Variants in ZC3H13 observed in about 807,000 individuals in gnomAD.
The protein encoded by ZC3H13 is zinc finger CCCH-type containing 13, also known as zinc finger CCCH domain-containing protein 13.
Under a neutral mutation model 204.1 loss-of-function variants are expected in ZC3H13, and 64 were observed. The ratio of observed to expected loss-of-function variants is 0.31; its 90% CI spans 0.26 to 0.39. The LOEUF is 0.39. ZC3H13 is among the 10% of genes least tolerant of loss of function. ZC3H13 has a pLI of 1.00. For missense variants in ZC3H13, 1,833 were observed against 2,082.7 expected, an observed-to-expected ratio of 0.88 and a Z score of 2.33; for synonymous variants, 667 against 693.7, an observed-to-expected ratio of 0.96 and a Z score of 0.60.
At chr13:46,023,998 G>A (rs1156338171) in intron 4 of ZC3H13, among the ~76,000 whole-genome samples, 1 of 152,166 alleles carries the variant, frequency 6.6e-6, no homozygotes, top group Non-Finnish European at 1.5e-5. Context: ...GGGATAAATG[G>A]CTTAGGCCTG....
intron 17 of ZC3H13, among the ~76,000 whole-genome samples, chr13:45,961,056 C>T (rs1951647275): frequency 6.6e-6 from 1 of 152,120 alleles, no homozygotes; most frequent in South Asian, 2.1e-4. Context: ...AAAAACATTC[C>T]CTGGGCTCTA....
intron 10 of ZC3H13, among the ~76,000 whole-genome samples, chr13:45,984,247 T>C (rs1715826928): frequency 6.6e-6 from 1 of 152,208 alleles, no homozygotes; most frequent in South Asian, 2.1e-4. Flanking sequence ...TGGATATATA[T>C]TTGCTTGTGT....
At chr13:45,962,219 C>G in intron 17 of ZC3H13, 1 of 985,358 alleles carries the variant, frequency 1.0e-6, no homozygotes, top group Non-Finnish European at 1.2e-6. Flanking sequence ...GATAATACAT[C>G]AGTTCTCTAA....
chr13:45,971,680 A>G (rs1479466001), intron 12 of ZC3H13, among the ~76,000 whole-genome samples: 2 of 152,206 alleles, frequency 1.3e-5, no homozygotes, highest in Admixed American at 1.3e-4. Context: ...ATTAAACTAA[A>G]AAGCTTCTGC....
Position 45,968,801 on chromosome 13 carries a change from T to C in ZC3H13, c.3743A>G (p.Lys1248Arg). The C allele has an allele frequency of 6.2e-7, 1 of 1,613,022 alleles. No individual in the cohort carries two copies. The highest frequency in any genetic ancestry group is 2.2e-5 in the East Asian group (1 of 44,874). The part of the protein sequence containing the change: ...TKSLEITGER[K>R]SRIDQLKRGE... ...ACGCTTTAACTGATCAATCCTAGAT[T>C]TTCTCTCTCCTGTGATTTCCAGGCT... Residue 1248 changes from lysine (K) to arginine (R), a missense_variant, in exon 14 of 19, where the codon AAA (lysine) becomes AGA (arginine). Lys to Arg is a conservative substitution (Grantham distance 26, BLOSUM62 2). This residue lies in a region of ZC3H13 where 1,574 missense variants were observed against 1,757.2 expected (regional missense o/e 0.90). Transcript: ENST00000679008.
At chr13:46,007,814 TTTCTC>T (rs2041259687) in intron 7 of ZC3H13, among the ~76,000 whole-genome samples, 1 of 152,180 alleles carries the variant, frequency 6.6e-6, no homozygotes, top group Non-Finnish European at 1.5e-5. Flanking sequence ...TTTTTAATCT[TTTCTC>T]TCTCTCTTCA....
At chr13:46,005,144 T>G (rs1450721285) in intron 7 of ZC3H13, among the ~76,000 whole-genome samples, 1 of 152,192 alleles carries the variant, frequency 6.6e-6, no homozygotes, top group Non-Finnish European at 1.5e-5. Flanking sequence ...ATGAACATTA[T>G]CCCTTGAAAA....
In ZC3H13 at chr13:45,988,947, T is replaced by C. The variant is rs779019412; in HGVS notation, c.1095A>G (p.Pro365=). Residue 365 remains proline, a synonymous_variant, in exon 9 of 19, where the codon CCA becomes CCG. Coordinates refer to ENST00000679008, the MANE Select transcript of ZC3H13 (RefSeq NM_001330564.2). ...PSPSYQRTLT[P]PLRRSASPYP... ...AAGGAGAGGCAGAGCGTCGTAAAGG[T>C]GGAGTTAGTGTCCGCTGATAAGATG... The C allele has an allele frequency of 5.6e-6, 9 of 1,613,348 alleles. No individual in the cohort carries two copies. In the South Asian group the frequency reaches 9.9e-5, roughly 18 times the overall value.
intron 4 of ZC3H13, among the ~76,000 whole-genome samples, chr13:46,037,714 A>G (rs528844716): frequency 1.3e-5 from 2 of 152,316 alleles, no homozygotes; most frequent in Admixed American, 6.5e-5. Context: ...CAACAGAAAC[A>G]TGATGCAAGC....
rs950433825 is a variant in ZC3H13 at position 46,003,068 on chromosome 13, C to T, written c.944+71G>A. The T allele has an allele frequency of 7.4e-5, 113 of 1,520,542 alleles. 1 individual carries two copies. In the South Asian group the frequency reaches 7.7e-4, roughly 10 times the overall value. 94.2% of individuals were successfully genotyped at this position (1,520,542 alleles called of 1,614,324 possible). On this transcript the variant is annotated intron_variant, in intron 8 of 18. Coordinates refer to ENST00000679008, the MANE Select transcript of ZC3H13 (RefSeq NM_001330564.2). ...AAAAACCCAATATGCTAATGCCCAA[C>T]GGCTTCTGAAAAGTAAATATTCTAT...
chr13:45,969,911 GGACTAA>G lies in ZC3H13; in HGVS notation c.2627_2632del (p.Leu876_Ser877del). On this transcript the variant is annotated inframe_deletion, in exon 14 of 19. Transcript: ENST00000679008. ...CTGTCTGTCTTCTGTGAGGTGCGAG[GGACTAA>G]GAGAACGAGATTCTTGAGGTCGTAC... is the stretch of plus-strand genomic sequence containing the variant. 1 of 1,613,500 alleles carries G rather than the reference GGACTAA, an allele frequency of 6.2e-7. No homozygotes were observed. The highest frequency in any genetic ancestry group is 8.5e-7 in the Non-Finnish European group (1 of 1,179,964).
At chr13:46,015,009 T>C (rs966264758) in intron 5 of ZC3H13, among the ~76,000 whole-genome samples, 2 of 152,202 alleles carry the variant, frequency 1.3e-5, no homozygotes, top group East Asian at 1.9e-4. Flanking sequence ...ACAAGACTTA[T>C]ATGAACATTT....
intron 4 of ZC3H13, among the ~76,000 whole-genome samples, chr13:46,036,143 G>A (rs1489495414): frequency 4.3e-5 from 4 of 93,320 alleles, no homozygotes; most frequent in East Asian, 6.5e-4. Context: ...GCAAGACTCC[G>A]TGTCAAGAAA....
In ZC3H13 at chr13:45,975,856, T is replaced by C; in HGVS notation, c.1913-18A>G. ...TCTTTGATCTACAATGAAAATCAAG[T>C]TTTGTCAGTGATTAATTTGACAGAT... On this transcript the variant is annotated intron_variant, in intron 11 of 18. Transcript: ENST00000679008. The C allele has an allele frequency of 2.5e-6, 4 of 1,601,448 alleles. No homozygotes were observed. Among genetic ancestry groups the C allele is most frequent in the Non-Finnish European group, 3.4e-6 (4 of 1,171,766 alleles).
intron 10 of ZC3H13, among the ~76,000 whole-genome samples, chr13:45,983,505 C>T (rs187109187): frequency 2.1e-4 from 28 of 132,200 alleles, no homozygotes; most frequent in Non-Finnish European, 3.7e-4. Flanking sequence ...CGGCTCACTG[C>T]AAGCTCCGCC....
chr13:46,022,743 G>C (rs2042294737), intron 4 of ZC3H13, among the ~76,000 whole-genome samples: 1 of 149,910 alleles, frequency 6.7e-6, no homozygotes, highest in Non-Finnish European at 1.5e-5. Context: ...GCATTTCAAA[G>C]CATATTAAGT....
At chr13:45,959,392 A>G (rs1951515000) in intron 18 of ZC3H13, 91 bp downstream of exon 18, 19 of 1,290,992 alleles carry the variant, frequency 1.5e-5, no homozygotes, top group East Asian at 2.8e-5. Context: ...TCATAAAAAC[A>G]TAAGATTGCA....
chr13:46,002,990 A>T (rs1405358817), intron 8 of ZC3H13, 149 bp downstream of exon 8: 7 of 629,166 alleles, frequency 1.1e-5, no homozygotes, highest in South Asian at 2.6e-5. Context: ...TCATAATAAT[A>T]ATTATTATGG....
At chr13:45,999,201 C>T (rs1191269765) in intron 8 of ZC3H13, among the ~76,000 whole-genome samples, 1 of 152,110 alleles carries the variant, frequency 6.6e-6, no homozygotes, top group East Asian at 1.9e-4. Context: ...GCTGAGATGG[C>T]GCCAGTGCAC....
Sources: allele counts gnomAD v4.1 joint callset (sites outside exome capture counted in the v4.1 genomes callset), GRCh38; gene constraint gnomAD v4.1.1; regional missense constraint gnomAD v4.1.1; transcripts MANE v1.5; gene names NCBI Gene and HGNC (gene_info 2026-07-23, HGNC 2026-07-21).